SH3BP2: variants seen among roughly 807,000 people sequenced by gnomAD.
SH3BP2 encodes the protein SH3 domain binding protein 2.
A neutral mutation model predicts 56.2 loss-of-function variants in SH3BP2; 38 were observed. The ratio of observed to expected loss-of-function variants is 0.68; its 90% CI spans 0.52 to 0.89. The LOEUF is 0.89. Ranked by LOEUF, SH3BP2 falls within the 40% of genes least tolerant of loss-of-function variation. SH3BP2 has a pLI of 0.00. For synonymous variants in SH3BP2, 346 were observed against 316.7 expected (o/e 1.09, Z -0.98); for missense variants, 748 against 762.6 (o/e 0.98, Z 0.23).
Position 2,833,036 on chromosome 4 carries a change from G to A in SH3BP2, c.1535G>A (p.Arg512His), listed in dbSNP as rs373119331. ...ACCTCTAACAAAGTGAGGAACTATCGCATTTTTGAGAAGGTGAGAGGGCTC... is the reference window on the plus strand; with the variant it reads ...ACCTCTAACAAAGTGAGGAACTATCACATTTTTGAGAAGGTGAGAGGGCTC... ...DETSNKVRNYRIFEKDSKFYL... is the reference protein window; with the variant it reads ...DETSNKVRNYHIFEKDSKFYL... Residue 512 changes from arginine to histidine, a missense_variant, in exon 12 of 13, where the codon CGC becomes CAC. Arg to His is a conservative substitution (Grantham distance 29). Coordinates refer to ENST00000503393, the MANE Select transcript of SH3BP2 (RefSeq NM_001122681.2). The A allele has an allele frequency of 5.0e-5, 81 of 1,614,044 alleles. No individual in the cohort carries two copies. The highest frequency in any genetic ancestry group is 1.6e-4 in the Middle Eastern group (1 of 6,084).
At chr4:2,819,255 T>C (rs1432092635) in intron 1 of SH3BP2, among the ~76,000 whole-genome samples, 3 of 152,140 alleles carry the variant, frequency 2.0e-5, no homozygotes. Flanking sequence ...TGTCTCACTT[T>C]GTTGCCCAGG....
chr4:2,822,157 G>A lies in SH3BP2; in HGVS notation c.137-778G>A, dbSNP rs2008663. Among the ~76,000 whole-genome samples, 568 of 152,160 alleles carry A rather than the reference G, an allele frequency of 3.7e-3. 3 individuals are homozygous for A. Among genetic ancestry groups the A allele is most frequent in the African/African-American group, 0.013 (542 of 41,488 alleles). ...TGGGATTACAGGCATGAGCCACCGCGCCTGGCCTATTTATTATTTTTATGT... is the reference window on the plus strand; with the variant it reads ...TGGGATTACAGGCATGAGCCACCGCACCTGGCCTATTTATTATTTTTATGT... On this transcript the variant is annotated intron_variant, in intron 2 of 12. Coordinates refer to ENST00000503393, the MANE Select transcript of SH3BP2 (RefSeq NM_001122681.2).
chr4:2,812,801 C>T (rs1723815687), intron 1 of SH3BP2, among the ~76,000 whole-genome samples: 1 of 150,786 alleles, frequency 6.6e-6, no homozygotes, highest in African/African-American at 2.4e-5. Context: ...GGTCCGGGAA[C>T]TTCTCATGAT....
At chr4:2,800,705 G>A (rs1373767906) in intron 1 of SH3BP2, among the ~76,000 whole-genome samples, 2 of 152,178 alleles carry the variant, frequency 1.3e-5, no homozygotes, top group African/African-American at 2.4e-5. Flanking sequence ...GTGGTGGTTG[G>A]GGACCCTAAC....
intron 1 of SH3BP2, among the ~76,000 whole-genome samples, chr4:2,811,596 G>A (rs950914215): frequency 5.3e-5 from 8 of 152,326 alleles, no homozygotes; most frequent in African/African-American, 1.9e-4. Flanking sequence ...AATTCTGAGC[G>A]GGCCTTGGGG....
Position 2,838,743 on chromosome 4 carries a change from A to G in SH3BP2, c.*4909A>G, listed in dbSNP as rs906602307. The G allele has an allele frequency of 9.9e-5, 15 of 152,060 alleles. No individual in the cohort carries two copies. The highest frequency in any genetic ancestry group is 2.9e-4 in the African/African-American group (12 of 41,346). The allele number at this position is 152,060 out of a possible 1,614,324, so 9.4% of individuals were successfully genotyped here. ...GTCCATGGAAGCCAAAAGATTGGACATGCCTGCTGTAGATGGACAGTTGGT... is the reference window on the plus strand; with the variant it reads ...GTCCATGGAAGCCAAAAGATTGGACGTGCCTGCTGTAGATGGACAGTTGGT... On this transcript the variant is annotated 3_prime_UTR_variant, in exon 13 of 13. Transcript: ENST00000503393.
chr4:2,819,988 C>G (rs76395115), intron 1 of SH3BP2, among the ~76,000 whole-genome samples: 18,436 of 152,104 alleles, frequency 0.12, 1,226 homozygotes, highest in African/African-American at 0.16. Context: ...GAGTGATATC[C>G]TGGGCTGGTG....
chr4:2,805,586 G>A (rs1723500855), intron 1 of SH3BP2, among the ~76,000 whole-genome samples: 2 of 152,222 alleles, frequency 1.3e-5, no homozygotes, highest in South Asian at 4.1e-4. Flanking sequence ...GGACATGGGG[G>A]ACGGACATGC....
chr4:2,795,777 A>G (rs1020886225), intron 1 of SH3BP2, among the ~76,000 whole-genome samples: 5 of 152,134 alleles, frequency 3.3e-5, no homozygotes, highest in African/African-American at 1.2e-4. Flanking sequence ...TTTGCATGCC[A>G]GGTGTGGTGA....
At chr4:2,806,603 C>T (rs547581826) in intron 1 of SH3BP2, among the ~76,000 whole-genome samples, 2 of 151,084 alleles carry the variant, frequency 1.3e-5, no homozygotes, top group East Asian at 3.9e-4. Context: ...TGTCTCCAGC[C>T]CCACCTCACC....
intron 11 of SH3BP2, 60 bp downstream of exon 11, chr4:2,832,472 G>C (rs1178202128): frequency 2.3e-6 from 3 of 1,301,410 alleles, no homozygotes; most frequent in African/African-American, 2.9e-5. Context: ...CCAGGCTGTG[G>C]GTGGGCCCAG....
At chr4:2,803,941 G>T (rs961269067) in intron 1 of SH3BP2, among the ~76,000 whole-genome samples, 6 of 152,180 alleles carry the variant, frequency 3.9e-5, no homozygotes, top group Non-Finnish European at 7.3e-5. Flanking sequence ...CGGGTGCAGG[G>T]TGTGGCGTTT....
chr4:2,804,184 T>G (rs1349738527), intron 1 of SH3BP2, among the ~76,000 whole-genome samples: 4 of 152,160 alleles, frequency 2.6e-5, no homozygotes, highest in Admixed American at 2.0e-4. Context: ...GGGGGTCTCC[T>G]TCTGTCCCGG....
At chr4:2,830,444 C>T (rs1334036942) in intron 8 of SH3BP2, among the ~76,000 whole-genome samples, 1 of 152,224 alleles carries the variant, frequency 6.6e-6, no homozygotes, top group Non-Finnish European at 1.5e-5. Flanking sequence ...TCACTGCAAC[C>T]TCCACCTCCG....
rs1283009258 is a variant in SH3BP2 at position 2,837,411 on chromosome 4, T to G, written c.*3577T>G. 6.6e-6 allele frequency: 1 copy of G among 152,256 alleles called. No individual in the cohort carries two copies. Among genetic ancestry groups the G allele is most frequent in the Non-Finnish European group, 1.5e-5 (1 of 68,038 alleles). The allele number at this position is 152,256 out of a possible 1,614,324, so 9.4% of individuals were successfully genotyped here. ...ACGTTGTGCGGAGCTCCCCTGCTGG[T>G]TGGGGCTCAGCGCAGCCCCAGGGAG... On this transcript the variant is annotated 3_prime_UTR_variant, in exon 13 of 13. Transcript: ENST00000503393.
At chr4:2,818,217 G>C (rs540256657) in intron 1 of SH3BP2, 35 of 987,166 alleles carry the variant, frequency 3.5e-5, no homozygotes, top group Non-Finnish European at 4.0e-5. Flanking sequence ...GGCCAGGGCC[G>C]GCGGGCATGG....
At chr4:2,820,500 G>A (rs1359971984) in intron 1 of SH3BP2, 114 bp from the exon 2 acceptor site, 20 of 1,365,770 alleles carry the variant, frequency 1.5e-5, no homozygotes, top group Admixed American at 8.5e-5. Flanking sequence ...TGCCTGTCAT[G>A]GCCCTACCCT....
intron 1 of SH3BP2, among the ~76,000 whole-genome samples, chr4:2,819,861 G>C (rs975522011): frequency 2.0e-5 from 3 of 151,938 alleles, no homozygotes; most frequent in African/African-American, 4.8e-5. Flanking sequence ...CATGAGTAAG[G>C]GGGGCTGGAG....
Position 2,829,008 on chromosome 4 carries a change from C to A in SH3BP2, c.587-485C>A, listed in dbSNP as rs1469158225. Among the ~76,000 whole-genome samples the A allele has an allele frequency of 6.6e-6, 1 of 152,142 alleles. No individual in the cohort carries two copies. Among genetic ancestry groups the A allele is most frequent in the Non-Finnish European group, 1.5e-5 (1 of 68,014 alleles). On this transcript the variant is annotated intron_variant, in intron 7 of 12. Transcript: ENST00000503393. The surrounding 1 kb of genome is among the most constrained non-coding windows in gnomAD (Gnocchi z 4.9). ...GCTGCCCGCTCCGAGTCATGTCCAG[C>A]CTGGATTTTTGAACTCTGCACACAT...
Sources: allele counts gnomAD v4.1 joint callset (sites outside exome capture counted in the v4.1 genomes callset), GRCh38; gene constraint gnomAD v4.1.1; non-coding constraint Gnocchi (gnomAD v3.1); transcripts MANE v1.5; gene names NCBI Gene and HGNC (gene_info 2026-07-23, HGNC 2026-07-21).